DSCAML1: variants seen among roughly 807,000 people sequenced by gnomAD.
DSCAML1 encodes the protein cell adhesion molecule DSCAML1.
Under a neutral mutation model 200.5 loss-of-function variants are expected in DSCAML1, and 38 were observed. The ratio of observed to expected loss-of-function variants is 0.19; its 90% CI spans 0.15 to 0.25. The LOEUF is 0.25. DSCAML1 is among the 10% of genes least tolerant of loss of function. The pLI, the probability that DSCAML1 is intolerant of heterozygous loss-of-function variation, is 1.00. For synonymous variants in DSCAML1, 1,215 were observed against 1,165.0 expected, an observed-to-expected ratio of 1.04 and a Z score of -0.87; for missense variants, 2,223 against 2,858.8, an observed-to-expected ratio of 0.78 and a Z score of 5.07.
chr11:117,591,383 T>C (rs1036480933), intron 3 of DSCAML1, among the ~76,000 whole-genome samples: 14 of 152,180 alleles, frequency 9.2e-5, no homozygotes, highest in African/African-American at 3.1e-4. Context: ...TGATGTATAA[T>C]TGATGAAAGC....
chr11:117,656,496 C>CATCTATCTATCTATCTATCT (rs71469141), intron 3 of DSCAML1, among the ~76,000 whole-genome samples: 12 of 147,398 alleles, frequency 8.1e-5, no homozygotes, highest in Admixed American at 3.4e-4. Flanking sequence ...TTACCTAAAT[C>CATCTATCTATCTATCTATCT]ATCTATCTAT....
chr11:117,621,221 C>T (rs1186584826), intron 3 of DSCAML1, among the ~76,000 whole-genome samples: 2 of 152,336 alleles, frequency 1.3e-5, no homozygotes, highest in East Asian at 3.9e-4. Context: ...AGGCATGTTA[C>T]TTAAAATATT....
rs2047697344 is a variant in DSCAML1, at chr11:117,428,175, C to A, written c.*153G>T. ...ATAGTTTCATTTGTACAAAAGAGTT[C>A]TATGTACAGGCGTTCATGATTGGGG... On this transcript the variant is annotated 3_prime_UTR_variant, in exon 33 of 33. Coordinates refer to ENST00000651296, the MANE Select transcript of DSCAML1 (RefSeq NM_020693.4). 5 of 586,430 alleles carry A rather than the reference C, an allele frequency of 8.5e-6. No homozygotes were observed. Among genetic ancestry groups the A allele is most frequent in the Non-Finnish European group, 1.5e-5 (5 of 327,578 alleles). 36.3% of individuals were successfully genotyped at this position (586,430 alleles called of 1,614,324 possible).
intron 3 of DSCAML1, among the ~76,000 whole-genome samples, chr11:117,603,307 G>C (rs2051501976): frequency 6.6e-6 from 1 of 152,204 alleles, no homozygotes; most frequent in African/African-American, 2.4e-5. Flanking sequence ...CTATGGCCTT[G>C]CTATCCTGAA....
intron 3 of DSCAML1, among the ~76,000 whole-genome samples, chr11:117,757,907 T>C (rs957916896): frequency 9.9e-5 from 15 of 152,236 alleles, no homozygotes; most frequent in Middle Eastern, 3.4e-3. Flanking sequence ...GGAGAATCGC[T>C]TGAACCCAGG....
At chr11:117,786,155 G>T (rs1450190629) in intron 1 of DSCAML1, among the ~76,000 whole-genome samples, 1 of 152,152 alleles carries the variant, frequency 6.6e-6, no homozygotes, top group East Asian at 1.9e-4. Context: ...GAAGAGGAGG[G>T]GGAACACTTC....
chr11:117,441,179 G>T (rs1000166214), intron 21 of DSCAML1, among the ~76,000 whole-genome samples: 30 of 152,280 alleles, frequency 2.0e-4, no homozygotes, highest in African/African-American at 7.2e-4. Context: ...CCAGGATTCT[G>T]GCTGGGCCAC....
At chr11:117,589,325 A>G (rs1218080070) in intron 3 of DSCAML1, among the ~76,000 whole-genome samples, 3 of 152,208 alleles carry the variant, frequency 2.0e-5, no homozygotes, top group African/African-American at 7.2e-5. Context: ...GCAGCTATTT[A>G]TTTATTCAAA....
At chr11:117,438,793 G>C (rs1337066856) in intron 24 of DSCAML1, 92 bp downstream of exon 24, 7 of 1,160,642 alleles carry the variant, frequency 6.0e-6, no homozygotes, top group African/African-American at 1.6e-5. Context: ...CTGTCATTTG[G>C]AGACAAATGG....
At chr11:117,661,157 T>C (rs1321597968) in intron 3 of DSCAML1, among the ~76,000 whole-genome samples, 2 of 152,084 alleles carry the variant, frequency 1.3e-5, no homozygotes, top group Non-Finnish European at 2.9e-5. Flanking sequence ...AATCCTAGGG[T>C]TGGGCTCAGC....
rs768621807 is a variant in DSCAML1 at position 117,649,041 on chromosome 11, A to ATATATGTATG, written c.512-116520_512-116519insCATACATATA. ...TCTCGCTCTCTCTCTCTCCATATATATGTGTGTGTGTGTGTGTGTGTGTGT... is the reference window on the plus strand; with the variant it reads ...TCTCGCTCTCTCTCTCTCCATATATATATATGTATGTGTGTGTGTGTGTGTGTGTGTGTGT... On this transcript the variant is annotated intron_variant, in intron 3 of 32. Transcript: ENST00000651296. 2.5e-3 allele frequency among the ~76,000 whole-genome samples: 349 copies of ATATATGTATG among 137,932 alleles called. 1 individual carries two copies. The highest frequency in any genetic ancestry group is 9.2e-3 in the African/African-American group (323 of 34,978). 90.5% of individuals were successfully genotyped at this position (137,932 alleles called of 152,430 possible).
intron 3 of DSCAML1, among the ~76,000 whole-genome samples, chr11:117,690,251 T>G (rs550465243): frequency 1.3e-5 from 2 of 152,406 alleles, no homozygotes; most frequent in African/African-American, 4.8e-5. Flanking sequence ...GCTGGGGCAC[T>G]GTGATCCCTG....
intron 20 of DSCAML1, among the ~76,000 whole-genome samples, chr11:117,446,591 TA>T (rs2048181808): frequency 6.6e-6 from 1 of 151,904 alleles, no homozygotes. Context: ...ATATACAACC[TA>T]ACTAGTAACC....
intron 3 of DSCAML1, among the ~76,000 whole-genome samples, chr11:117,535,683 T>G (rs1032116760): frequency 6.6e-6 from 1 of 152,108 alleles, no homozygotes; most frequent in African/African-American, 2.4e-5. Flanking sequence ...TAACTGGGAC[T>G]GGAATGCAGA....
intron 12 of DSCAML1, 59 bp downstream of exon 12, chr11:117,481,904 T>A: frequency 1.2e-6 from 2 of 1,600,344 alleles, no homozygotes; most frequent in Non-Finnish European, 1.7e-6. Context: ...ATGTGATAGC[T>A]GCGGGCTCCC....
intron 3 of DSCAML1, among the ~76,000 whole-genome samples, chr11:117,716,230 T>C (rs1302949870): frequency 6.6e-6 from 1 of 152,032 alleles, no homozygotes; most frequent in African/African-American, 2.4e-5. Flanking sequence ...TATGATAAAG[T>C]GAAAGGATCT....
chr11:117,714,531 C>T (rs897018924), intron 3 of DSCAML1, among the ~76,000 whole-genome samples: 1 of 152,028 alleles, frequency 6.6e-6, no homozygotes. Flanking sequence ...AGAAAGTTTC[C>T]GCTGGCTGGT....
At chr11:117,789,973 C>CA (rs1816718250) in intron 1 of DSCAML1, among the ~76,000 whole-genome samples, 1 of 152,098 alleles carries the variant, frequency 6.6e-6, no homozygotes, top group Admixed American at 6.6e-5. Context: ...GGACAGATTC[C>CA]ACAGCCTTAA....
At chr11:117,544,402 G>A (rs954312538) in intron 3 of DSCAML1, among the ~76,000 whole-genome samples, 5 of 152,312 alleles carry the variant, frequency 3.3e-5, no homozygotes, top group African/African-American at 1.2e-4. Flanking sequence ...AGCTATTTGT[G>A]CTGTGGGGCA....
Sources: allele counts gnomAD v4.1 joint callset (sites outside exome capture counted in the v4.1 genomes callset), GRCh38; gene constraint gnomAD v4.1.1; transcripts MANE v1.5; gene names NCBI Gene and HGNC (gene_info 2026-07-23, HGNC 2026-07-21).